The following ARHGEF12 variants were observed in gnomAD, a reference collection of about 807,000 sequenced individuals.
The protein encoded by ARHGEF12 is KMT2A/ARHGEF12 fusion protein.
In ARHGEF12, 66 loss-of-function variants were observed where a neutral mutation model predicts 211.2. The ratio of observed to expected loss-of-function variants is 0.31; its 90% CI spans 0.26 to 0.38. The LOEUF (loss-of-function observed/expected upper bound fraction) is 0.38. Ranked by LOEUF, ARHGEF12 falls within the 10% of genes least tolerant of loss-of-function variation. The pLI is 1.00. For missense variants in ARHGEF12, 1,429 were observed against 1,869.5 expected, an observed-to-expected ratio of 0.76 and a Z score of 4.34; for synonymous variants, 592 against 638.4, an observed-to-expected ratio of 0.93 and a Z score of 1.09.
chr11:120,375,764 C>T (rs1943706435), intron 1 of ARHGEF12, among the ~76,000 whole-genome samples: 1 of 151,760 alleles, frequency 6.6e-6, no homozygotes, highest in Non-Finnish European at 1.5e-5. Flanking sequence ...TAGTTTTTAC[C>T]TATTGTTCTT....
chr11:120,342,800 AC>A (rs1257727636), intron 1 of ARHGEF12, among the ~76,000 whole-genome samples: 1 of 152,228 alleles, frequency 6.6e-6, no homozygotes, highest in Non-Finnish European at 1.5e-5. Context: ...AAATATGAGT[AC>A]CCTCAATGTA....
intron 30 of ARHGEF12, among the ~76,000 whole-genome samples, chr11:120,470,779 T>C (rs1450923428): frequency 6.6e-6 from 1 of 152,222 alleles, no homozygotes; most frequent in African/African-American, 2.4e-5. Flanking sequence ...ATCTACCTTT[T>C]GACTCCGCAG....
intron 4 of ARHGEF12, among the ~76,000 whole-genome samples, chr11:120,412,286 A>G (rs1265527313): frequency 6.6e-6 from 1 of 152,240 alleles, no homozygotes; most frequent in Non-Finnish European, 1.5e-5. Context: ...TCCTGCTAAC[A>G]GTATTTGGTT....
intron 27 of ARHGEF12, among the ~76,000 whole-genome samples, chr11:120,462,312 A>G (rs984867311): frequency 2.0e-5 from 3 of 152,194 alleles, no homozygotes. Flanking sequence ...GTCAGAACAC[A>G]CACAACATTT....
rs961429450 is a variant in ARHGEF12 at position 120,357,036 on chromosome 11, G to GT, written c.32+19769dup. On this transcript the variant is annotated intron_variant, in intron 1 of 40. Transcript: ENST00000397843. ...ACTGTTTTTTTTTTTGTTTTGTTTT[G>GT]TTTTTTTTGAGACAGTCACCCTCTG... Among the ~76,000 whole-genome samples, 25 of 149,062 alleles carry GT rather than the reference G, an allele frequency of 1.7e-4. No homozygotes were observed. In the Middle Eastern group the frequency reaches 0.017, roughly 102 times the overall value.
intron 11 of ARHGEF12, among the ~76,000 whole-genome samples, chr11:120,432,355 C>G (rs1182770789): frequency 6.6e-6 from 1 of 152,182 alleles, no homozygotes; most frequent in East Asian, 1.9e-4. Context: ...GTTAATAGCC[C>G]AGGTTTAGTG....
intron 1 of ARHGEF12, among the ~76,000 whole-genome samples, chr11:120,372,667 A>T (rs1038036432): frequency 4.6e-5 from 7 of 152,046 alleles, no homozygotes; most frequent in African/African-American, 1.4e-4. Flanking sequence ...TTTTTTCCCT[A>T]TAATTTTTCA....
At position 120,351,296 on chromosome 11, in the gene ARHGEF12, G is replaced by A. The variant is rs1394777129; in HGVS notation, c.32+14021G>A. On this transcript the variant is annotated intron_variant, in intron 1 of 40. Transcript: ENST00000397843. ...CGGGAGGCGGAGCTTGCAGTGAGCC[G>A]AGATCACCCTACTGCAGCCTGGGCA... Among the ~76,000 whole-genome samples, 4 of 113,826 alleles carry A rather than the reference G, an allele frequency of 3.5e-5. No homozygotes were observed. In the South Asian group the frequency reaches 1.3e-3, roughly 38 times the overall value. 74.7% of individuals were successfully genotyped at this position (113,826 alleles called of 152,430 possible). A position where few individuals can be genotyped will look rare whatever the true frequency, so the allele number is the denominator to read the frequency against.
Position 120,447,042 on chromosome 11 carries a change from C to T in ARHGEF12, c.1546C>T (p.Arg516Trp), listed in dbSNP as rs748791499. The T allele has an allele frequency of 1.9e-6, 3 of 1,614,068 alleles. No homozygotes were observed. Among genetic ancestry groups the T allele is most frequent in the South Asian group, 1.1e-5 (1 of 91,076 alleles). The change falls in exon 18 of 41, where the codon CGG (arginine) becomes TGG (tryptophan). Residue 516 changes from arginine (R) to tryptophan (W), a missense_variant. Transcript: ENST00000397843. ...GGACCGATTGACTTTGGAGAAGGAG[C>T]GGACATGTGCAGAACAGATTGTTGC... is the stretch of plus-strand genomic sequence containing the variant. ...DKDRLTLEKE[R>W]TCAEQIVAKI...
chr11:120,440,298 C>A, intron 13 of ARHGEF12, 77 bp downstream of exon 13: 1 of 1,175,878 alleles, frequency 8.5e-7, no homozygotes, highest in Non-Finnish European at 1.3e-6. Context: ...TGAGCACGTT[C>A]TGGAGATTAA....
intron 1 of ARHGEF12, among the ~76,000 whole-genome samples, chr11:120,390,059 T>G (rs1367351720): frequency 6.6e-6 from 1 of 152,164 alleles, no homozygotes; most frequent in East Asian, 1.9e-4. Context: ...ATTTTTTCTT[T>G]ATTTTTTTCT....
chr11:120,441,669 T>G (rs1945871402), intron 13 of ARHGEF12, 38 bp from the exon 14 acceptor site: 1 of 1,510,716 alleles, frequency 6.6e-7, no homozygotes. Flanking sequence ...AGTATTTGTA[T>G]GTTGGAGTTA....
chr11:120,434,265 C>T (rs1945631960), intron 11 of ARHGEF12, among the ~76,000 whole-genome samples: 1 of 152,054 alleles, frequency 6.6e-6, no homozygotes, highest in Non-Finnish European at 1.5e-5. Context: ...GAGGTTGTAC[C>T]CAATGCTTTA....
At chr11:120,398,586 G>A (rs1243725223) in intron 1 of ARHGEF12, among the ~76,000 whole-genome samples, 1 of 152,112 alleles carries the variant, frequency 6.6e-6, no homozygotes, top group African/African-American at 2.4e-5. Context: ...TTTTGTGTGT[G>A]TGTGATAAAC....
chr11:120,343,076 A>G (rs1942586005), intron 1 of ARHGEF12, among the ~76,000 whole-genome samples: 1 of 152,062 alleles, frequency 6.6e-6, no homozygotes, highest in African/African-American at 2.4e-5. Context: ...TTTTTTCAGT[A>G]AAATGGATAT....
chr11:120,481,009 A>G (rs968098798), intron 38 of ARHGEF12, among the ~76,000 whole-genome samples: 12 of 152,134 alleles, frequency 7.9e-5, no homozygotes, highest in Non-Finnish European at 1.8e-4. Flanking sequence ...TGGTAGCAAG[A>G]TCATTTAGGC....
In ARHGEF12 at chr11:120,473,087, G is replaced by T. The variant is rs750167881; in HGVS notation, c.2993G>T (p.Ser998Ile). ...TATCAGCGTCGCCTTGATACCTCCA[G>T]CCTGAAGTTGTCAGAGTACCCAAAT... ...EDYQRRLDTS[S>I]LKLSEYPNVE... is the part of the protein sequence containing the mutation. The change falls in exon 31 of 41, where the codon AGC becomes ATC. Residue 998 changes from serine (S) to isoleucine (I), a missense_variant. Ser to Ile is a moderately radical substitution (Grantham distance 142). Coordinates refer to ENST00000397843, the MANE Select transcript of ARHGEF12 (RefSeq NM_015313.3). 1 of 1,613,690 alleles carries T rather than the reference G, an allele frequency of 6.2e-7. No homozygotes were observed. The highest frequency in any genetic ancestry group is 1.3e-5 in the African/African-American group (1 of 75,044).
At chr11:120,382,634 G>A (rs1343458096) in intron 1 of ARHGEF12, among the ~76,000 whole-genome samples, 2 of 152,154 alleles carry the variant, frequency 1.3e-5, no homozygotes, top group Admixed American at 1.3e-4. Flanking sequence ...GTAGTTTCTA[G>A]GTGCTTAATG....
chr11:120,350,311 C>T (rs369566755), intron 1 of ARHGEF12, among the ~76,000 whole-genome samples: 1 of 151,960 alleles, frequency 6.6e-6, no homozygotes, highest in Non-Finnish European at 1.5e-5. Context: ...GTCAGGAGAT[C>T]GAGACCATCC....
Sources: allele counts gnomAD v4.1 joint callset (sites outside exome capture counted in the v4.1 genomes callset), GRCh38; gene constraint gnomAD v4.1.1; transcripts MANE v1.5; gene names NCBI Gene and HGNC (gene_info 2026-07-23, HGNC 2026-07-21).